MGAM2: variants seen among roughly 807,000 people sequenced by gnomAD.
MGAM2 encodes the protein maltase-glucoamylase 2 (putative).
A neutral mutation model predicts 96.1 loss-of-function variants in MGAM2; 98 were observed. The ratio of observed to expected loss-of-function variants is 1.02; its 90% CI spans 0.87 to 1.21. MGAM2 has a LOEUF of 1.21. MGAM2 is among the 50% of genes most tolerant of loss of function. The pLI is 0.00. For missense variants in MGAM2, 2,055 were observed against 1,182.4 expected (o/e 1.74, Z -10.82); for synonymous variants, 749 against 414.8 (o/e 1.81, Z -9.79).
At chr7:142,138,785 C>A in intron 10 of MGAM2, 118 bp downstream of exon 10, 1 of 598,638 alleles carries the variant, frequency 1.7e-6, no homozygotes, top group Non-Finnish European at 3.0e-6. Context: ...GACAGGCACA[C>A]TTGCTGGCAG....
chr7:142,193,813 T>G (rs568962773), intron 37 of MGAM2, among the ~76,000 whole-genome samples: 1 of 152,260 alleles, frequency 6.6e-6, no homozygotes, highest in South Asian at 2.1e-4. Context: ...GCTTTTCCCT[T>G]GGATAAGCAC....
chr7:142,209,890 T>G (rs1039792830), intron 46 of MGAM2, among the ~76,000 whole-genome samples: 1 of 152,164 alleles, frequency 6.6e-6, no homozygotes, highest in Non-Finnish European at 1.5e-5. Context: ...GCTTAAAAAA[T>G]TCAAAAATGA....
intron 45 of MGAM2, among the ~76,000 whole-genome samples, chr7:142,203,179 G>A (rs1259537078): frequency 7.2e-5 from 11 of 152,100 alleles, no homozygotes; most frequent in Admixed American, 7.2e-4. Context: ...CTGGATGTTA[G>A]ACCTTTGTTG....
intron 45 of MGAM2, among the ~76,000 whole-genome samples, chr7:142,200,689 T>G (rs1240993702): frequency 6.6e-6 from 1 of 152,220 alleles, no homozygotes; most frequent in African/African-American, 2.4e-5. Flanking sequence ...AGCTTATTTT[T>G]CACTACTAAT....
At chr7:142,175,921 T>C (rs991163061) in intron 32 of MGAM2, 141 bp downstream of exon 32, 2 of 442,268 alleles carry the variant, frequency 4.5e-6, no homozygotes, top group African/African-American at 4.1e-5. Context: ...CAACTTCTTG[T>C]GGTGAATCTA....
intron 1 of MGAM2, among the ~76,000 whole-genome samples, chr7:142,112,662 T>C (rs961080645): frequency 6.6e-6 from 1 of 152,154 alleles, no homozygotes; most frequent in Non-Finnish European, 1.5e-5. Context: ...CAAGTACTAT[T>C]TTAAAAAGTA....
intron 7 of MGAM2, 101 bp downstream of exon 7, chr7:142,134,253 T>C: frequency 1.8e-6 from 1 of 548,928 alleles, no homozygotes; most frequent in African/African-American, 1.9e-5. Flanking sequence ...CTTTGCTCAC[T>C]TTAGATGTGT....
chr7:142,154,990 C>A (rs1056691535), intron 17 of MGAM2, 145 bp downstream of exon 17: 1 of 610,622 alleles, frequency 1.6e-6, no homozygotes, highest in Non-Finnish European at 2.9e-6. Flanking sequence ...CCTTAAAAAG[C>A]AGGGTATCAA....
At chr7:142,202,386 C>G (rs569930944) in intron 45 of MGAM2, among the ~76,000 whole-genome samples, 28 of 152,216 alleles carry the variant, frequency 1.8e-4, no homozygotes, top group African/African-American at 5.8e-4. Flanking sequence ...TTGTATGATG[C>G]TGAGGTTTGG....
chr7:142,173,646 A>G (rs1796273292), intron 31 of MGAM2, among the ~76,000 whole-genome samples: 1 of 152,190 alleles, frequency 6.6e-6, no homozygotes, highest in South Asian at 2.1e-4. Context: ...TGTTTTACCA[A>G]ACAAGTTTCA....
chr7:142,181,126 CTAGGG>C (rs1796527419), intron 32 of MGAM2, among the ~76,000 whole-genome samples: 2 of 152,150 alleles, frequency 1.3e-5, no homozygotes, highest in Admixed American at 1.3e-4. Flanking sequence ...TTTTGAATTG[CTAGGG>C]TTCTTGTGCT....
Position 142,220,434 on chromosome 7 carries a change from G to A in MGAM2, c.5923G>A (p.Ala1975Thr), listed in dbSNP as rs1275835995. Residue 1975 changes from alanine (A) to threonine (T), a missense_variant, in exon 48 of 48, where the codon GCT (alanine) becomes ACT (threonine). Ala to Thr is a moderately conservative substitution (Grantham distance 58, BLOSUM62 0). Transcript: ENST00000477922. Reference sequence around the variant, plus strand: ...AAATACTACTACTGCTAGCACTAATGCTACTATTCCTATCACAACCACACC... The same window carrying A: ...AAATACTACTACTGCTAGCACTAATACTACTATTCCTATCACAACCACACC... ...PTNTTTASTN[A>T]TIPITTTPFA... 2.8e-6 allele frequency: 2 copies of A among 702,414 alleles called. No homozygotes were observed. Among genetic ancestry groups the A allele is most frequent in the South Asian group, 3.0e-5 (2 of 67,588 alleles). The allele number at this position is 702,414 out of a possible 1,614,324, so 43.5% of individuals were successfully genotyped here.
chr7:142,174,713 C>CTTTTTTTTTTTTTTTTT, intron 31 of MGAM2, among the ~76,000 whole-genome samples: 2 of 78,262 alleles, frequency 2.6e-5, no homozygotes, highest in African/African-American at 1.5e-4. Context: ...CTCTCTCTCT[C>CTTTTTTTTTTTTTTTTT]TCTTTTTTTT....
At chr7:142,136,431 A>G (rs1246355845) in intron 7 of MGAM2, 110 bp from the exon 8 acceptor site, 1 of 466,746 alleles carries the variant, frequency 2.1e-6, no homozygotes, top group African/African-American at 2.0e-5. Context: ...GTTAAACTAC[A>G]TGAAGTGTTG....
chr7:142,199,207 A>C (rs1437673996), intron 44 of MGAM2, among the ~76,000 whole-genome samples: 1 of 152,230 alleles, frequency 6.6e-6, no homozygotes, highest in Non-Finnish European at 1.5e-5. Context: ...TTACACATAT[A>C]ATATGTAAAA....
chr7:142,208,261 T>C (rs932369382), intron 45 of MGAM2: 1 of 511,402 alleles, frequency 2.0e-6, no homozygotes, highest in African/African-American at 1.9e-5. Context: ...GACTACATGC[T>C]TGCTGTCTCG....
chr7:142,160,348 T>G, intron 21 of MGAM2, 90 bp downstream of exon 21: 1 of 581,690 alleles, frequency 1.7e-6, no homozygotes, highest in South Asian at 2.2e-5. Context: ...TTTTTGTGGA[T>G]GAGCCAAGGG....
At chr7:142,167,214 G>GAAGAAGTTGTATC in intron 25 of MGAM2, 54 bp from the exon 26 acceptor site, 1 of 627,572 alleles carries the variant, frequency 1.6e-6, no homozygotes, top group Non-Finnish European at 2.9e-6. Context: ...CTTCAGTAAT[G>GAAGAAGTTGTATC]AGAGCCTTAG....
chr7:142,158,645 T>C (rs187357049), intron 19 of MGAM2, among the ~76,000 whole-genome samples: 127 of 152,246 alleles, frequency 8.3e-4, no homozygotes, highest in Admixed American at 2.0e-3. Context: ...ATAGTTTCCT[T>C]TGTCCAGAGC....
Sources: gnomAD v4.1 joint callset for allele counts (sites outside exome capture counted in the v4.1 genomes callset) on GRCh38, gnomAD v4.1.1 for gene constraint, MANE v1.5 for transcripts, NCBI Gene and HGNC (gene_info 2026-07-23, HGNC 2026-07-21) for gene names.